Variants in DPYD observed in about 807,000 individuals in gnomAD.
The protein encoded by DPYD is dihydropyrimidine dehydrogenase, also known as dihydropyrimidine dehydrogenase [NADP(+)].
DPYD carries 109 observed loss-of-function variants against 116.2 expected under a neutral mutation model. That is an observed-to-expected ratio of 0.94 (90% CI 0.80 to 1.10). The LOEUF (loss-of-function observed/expected upper bound fraction) is 1.10. Ranked by LOEUF, DPYD falls within the 50% of genes least tolerant of loss-of-function variation. DPYD has a pLI of 0.00. For synonymous variants in DPYD, 440 were observed against 432.0 expected (o/e 1.02, Z -0.23); for missense variants, 1,302 against 1,254.5 (o/e 1.04, Z -0.57).
Position 97,593,398 on chromosome 1 carries a change from A to G in DPYD, c.959-11T>C. The G allele has an allele frequency of 3.7e-6, 6 of 1,613,812 alleles. No homozygotes were observed. The highest frequency in any genetic ancestry group is 5.1e-6 in the Non-Finnish European group (6 of 1,179,990). On this transcript the variant is annotated splice_polypyrimidine_tract_variant and intron_variant, in intron 9 of 22. Transcript: ENST00000370192. ...GACAGGCGCACATTCCTGAATGATG[A>G]AAGGAAAACCCCATTTTCAAGTAGA...
At chr1:97,195,522 GAGAGAGA>G (rs1658696557) in intron 19 of DPYD, among the ~76,000 whole-genome samples, 1 of 8,672 alleles carries the variant, frequency 1.2e-4, no homozygotes, top group African/African-American at 9.2e-4. Context: ...GGGATAAGGA[GAGAGAGA>G]GAGAGAGAGA....
intron 1 of DPYD, among the ~76,000 whole-genome samples, chr1:97,902,914 C>T (rs1673434391): frequency 6.6e-6 from 1 of 151,778 alleles, no homozygotes; most frequent in Admixed American, 6.6e-5. Context: ...AGAGGTACCT[C>T]CCAACACTAC....
At chr1:97,765,862 A>C (rs1009899432) in intron 3 of DPYD, among the ~76,000 whole-genome samples, 3 of 152,242 alleles carry the variant, frequency 2.0e-5, no homozygotes, top group Admixed American at 6.5e-5. Flanking sequence ...AGCTAAAAAG[A>C]CGATAAGTGA....
At chr1:97,486,378 TTTG>T (rs1462562188) in intron 13 of DPYD, among the ~76,000 whole-genome samples, 3 of 152,152 alleles carry the variant, frequency 2.0e-5, no homozygotes, top group Non-Finnish European at 4.4e-5. Context: ...GATGCACATT[TTTG>T]TTGTTGTTGA....
chr1:97,847,943 G>A (rs1670385054), intron 2 of DPYD, among the ~76,000 whole-genome samples: 1 of 152,104 alleles, frequency 6.6e-6, no homozygotes, highest in Non-Finnish European at 1.5e-5. Context: ...TGGGCTATGT[G>A]AATGCAAAGC....
At chr1:97,085,028 A>AT (rs1649417645) in intron 21 of DPYD, among the ~76,000 whole-genome samples, 1 of 152,200 alleles carries the variant, frequency 6.6e-6, no homozygotes, top group Non-Finnish European at 1.5e-5. Context: ...TGATATGAGT[A>AT]TTTTAAATAC....
chr1:97,699,401 C>T lies in DPYD; in HGVS notation c.630G>A (p.Gly210=), dbSNP rs1445413030. The T allele has an allele frequency of 6.2e-7, 1 of 1,613,620 alleles. No homozygotes were observed. Among genetic ancestry groups the T allele is most frequent in the Non-Finnish European group, 8.5e-7 (1 of 1,179,694 alleles). The part of the protein sequence containing the change: ...ISCASFLARL[G]YSDITIFEKQ... The stretch of plus-strand genomic sequence containing the variant: ...TTTCAAATATAGTGATGTCAGAGTA[C>T]CCCAATCGAGCCAAAAAGGAAGCAC... Residue 210 remains glycine (G), a synonymous_variant, in exon 6 of 23, where the codon GGG becomes GGA. Transcript: ENST00000370192.
At chr1:97,403,129 T>C (rs1046298001) in intron 14 of DPYD, among the ~76,000 whole-genome samples, 4 of 152,070 alleles carry the variant, frequency 2.6e-5, no homozygotes, top group African/African-American at 9.7e-5. Context: ...ATATAATCAG[T>C]TAAAAAGTAC....
At chr1:97,513,510 T>A (rs892964118) in intron 13 of DPYD, among the ~76,000 whole-genome samples, 2 of 151,820 alleles carry the variant, frequency 1.3e-5, no homozygotes, top group African/African-American at 4.8e-5. Flanking sequence ...CCCCATAGAA[T>A]AACCTTTGTC....
intron 19 of DPYD, among the ~76,000 whole-genome samples, chr1:97,215,392 G>A (rs1660310794): frequency 6.6e-6 from 1 of 152,106 alleles, no homozygotes; most frequent in Admixed American, 6.5e-5. Context: ...ATCACTACCT[G>A]TCCAGTAGCT....
intron 8 of DPYD, among the ~76,000 whole-genome samples, chr1:97,671,933 G>T (rs868286747): frequency 1.8e-4 from 26 of 144,898 alleles, no homozygotes; most frequent in African/African-American, 6.6e-4. Flanking sequence ...ATTTATTTAC[G>T]TATTTATCTA....
At chr1:97,311,311 A>G (rs1167421514) in intron 16 of DPYD, among the ~76,000 whole-genome samples, 1 of 151,854 alleles carries the variant, frequency 6.6e-6, no homozygotes, top group Non-Finnish European at 1.5e-5. Flanking sequence ...CTGAAAATTA[A>G]TGAGAAAAAT....
At chr1:97,327,441 TA>T (rs908766304) in intron 16 of DPYD, among the ~76,000 whole-genome samples, 4 of 151,764 alleles carry the variant, frequency 2.6e-5, no homozygotes, top group African/African-American at 7.2e-5. Context: ...TTCCTGATTA[TA>T]AAAAAAGTTC....
intron 11 of DPYD, among the ~76,000 whole-genome samples, chr1:97,572,373 A>C (rs1652961679): frequency 6.6e-6 from 1 of 151,946 alleles, no homozygotes; most frequent in Admixed American, 6.6e-5. Flanking sequence ...AGATTGCAAA[A>C]GCTGTTTTCT....
At chr1:97,460,208 T>C (rs1676942586) in intron 13 of DPYD, among the ~76,000 whole-genome samples, 1 of 152,176 alleles carries the variant, frequency 6.6e-6, no homozygotes, top group African/African-American at 2.4e-5. Context: ...AGATTGTATG[T>C]TTTGCCTCAG....
In DPYD at chr1:97,428,310, A is replaced by G. The variant is rs560908078; in HGVS notation, c.1905+21749T>C. Reference sequence around the variant, plus strand: ...GTGCTCCATGATTTTCCCCCATAACATCAACAATCCCACAAATTACAGATT... The same window carrying G: ...GTGCTCCATGATTTTCCCCCATAACGTCAACAATCCCACAAATTACAGATT... On this transcript the variant is annotated intron_variant, in intron 14 of 22. Coordinates refer to ENST00000370192, the MANE Select transcript of DPYD (RefSeq NM_000110.4). Among the ~76,000 whole-genome samples, 4 of 152,268 alleles carry G rather than the reference A, an allele frequency of 2.6e-5. No homozygotes were observed. The South Asian group carries it at 8.3e-4, about 32-fold the overall frequency.
intron 8 of DPYD, among the ~76,000 whole-genome samples, chr1:97,668,683 T>C (rs1420424526): frequency 6.6e-6 from 1 of 151,856 alleles, no homozygotes; most frequent in East Asian, 1.9e-4. Flanking sequence ...TGTGATACAA[T>C]CTCCAAAGAC....
intron 19 of DPYD, among the ~76,000 whole-genome samples, chr1:97,225,466 T>C (rs1661080924): frequency 6.6e-6 from 1 of 151,914 alleles, no homozygotes; most frequent in Admixed American, 6.6e-5. Context: ...AATATTAACG[T>C]CTACACTCAA....
At chr1:97,649,836 C>A (rs1308027296) in intron 8 of DPYD, among the ~76,000 whole-genome samples, 1 of 152,118 alleles carries the variant, frequency 6.6e-6, no homozygotes, top group East Asian at 1.9e-4. Flanking sequence ...ACAGGCGAAA[C>A]ACTGAGGTTC....
Sources: allele counts gnomAD v4.1 joint callset (sites outside exome capture counted in the v4.1 genomes callset), GRCh38; gene constraint gnomAD v4.1.1; transcripts MANE v1.5; gene names NCBI Gene and HGNC (gene_info 2026-07-23, HGNC 2026-07-21).